Variants in CDKAL1 observed in about 807,000 individuals in gnomAD.
CDKAL1 encodes threonylcarbamoyladenosine tRNA methylthiotransferase.
In CDKAL1, 32 loss-of-function variants were observed where a neutral mutation model predicts 68.2. The ratio of observed to expected loss-of-function variants is 0.47; its 90% CI spans 0.35 to 0.63. The LOEUF (loss-of-function observed/expected upper bound fraction) is 0.63. Ranked by LOEUF, CDKAL1 falls within the 30% of genes least tolerant of loss-of-function variation. The pLI, the probability that CDKAL1 is intolerant of heterozygous loss-of-function variation, is 0.00. For synonymous variants in CDKAL1, 234 were observed against 244.3 expected (o/e 0.96, Z 0.39); for missense variants, 606 against 696.7 (o/e 0.87, Z 1.47).
chr6:20,613,567 G>T (rs1459465157), intron 4 of CDKAL1, among the ~76,000 whole-genome samples: 2 of 150,442 alleles, frequency 1.3e-5, no homozygotes, highest in Non-Finnish European at 3.0e-5. Context: ...GAGCCACCAT[G>T]CCTGGCTGCG....
chr6:20,867,372 G>A (rs1482899317), intron 9 of CDKAL1, among the ~76,000 whole-genome samples: 2 of 152,096 alleles, frequency 1.3e-5, no homozygotes, highest in African/African-American at 2.4e-5. Context: ...GTCAAATAAC[G>A]GTTATTTTGA....
At chr6:20,546,071 C>G (rs1763589721) in intron 2 of CDKAL1, among the ~76,000 whole-genome samples, 1 of 152,176 alleles carries the variant, frequency 6.6e-6, no homozygotes, top group South Asian at 2.1e-4. Context: ...CTTTTTCCTA[C>G]TTGACATTGA....
At chr6:20,810,180 C>A (rs1776734468) in intron 8 of CDKAL1, among the ~76,000 whole-genome samples, 1 of 152,104 alleles carries the variant, frequency 6.6e-6, no homozygotes, top group Non-Finnish European at 1.5e-5. Context: ...CAAGTACTTA[C>A]CTAGCTGCAG....
At chr6:20,604,859 A>G (rs1766266410) in intron 4 of CDKAL1, among the ~76,000 whole-genome samples, 1 of 152,200 alleles carries the variant, frequency 6.6e-6, no homozygotes, top group Non-Finnish European at 1.5e-5. Flanking sequence ...GCTCATTGTT[A>G]CACCTAGTAA....
intron 15 of CDKAL1, among the ~76,000 whole-genome samples, chr6:21,210,126 T>C (rs1202732948): frequency 1.3e-5 from 2 of 152,178 alleles, no homozygotes; most frequent in Non-Finnish European, 2.9e-5. Flanking sequence ...AATTATATGG[T>C]CATCCTATAA....
At position 20,994,984 on chromosome 6, in the gene CDKAL1, A is replaced by G. The variant is rs145209033; in HGVS notation, c.910-5243A>G. Among the ~76,000 whole-genome samples the G allele has an allele frequency of 3.2e-3, 488 of 152,312 alleles. 11 individuals are homozygous for G. The highest frequency in any genetic ancestry group is 2.8e-4 in the Non-Finnish European group (19 of 68,030). ...CAACTACATTTGTATATTATCATAA[A>G]TACTTTGTTGTCATTTCAACAGTCT... On this transcript the variant is annotated intron_variant, in intron 10 of 15. Transcript: ENST00000274695.
chr6:20,583,276 T>C (rs1432669188), intron 4 of CDKAL1, among the ~76,000 whole-genome samples: 1 of 152,222 alleles, frequency 6.6e-6, no homozygotes, highest in African/African-American at 2.4e-5. Flanking sequence ...AGTATCTTGT[T>C]AGACTTTTAC....
In CDKAL1 at chr6:20,892,237, A is replaced by C. The variant is rs1371400926; in HGVS notation, c.742+46059A>C. Among the ~76,000 whole-genome samples, 3 of 152,186 alleles carry C rather than the reference A, an allele frequency of 2.0e-5. No homozygotes were observed. In the East Asian group the frequency reaches 5.8e-4, roughly 29 times the overall value. Reference sequence around the variant, plus strand: ...AACTAAGAAAGAGGTGTGGAGCAGTAGGGAGGGAGAGGGAGAGAGACTGAA... The same window carrying C: ...AACTAAGAAAGAGGTGTGGAGCAGTCGGGAGGGAGAGGGAGAGAGACTGAA... On this transcript the variant is annotated intron_variant, in intron 9 of 15. Coordinates refer to ENST00000274695, the MANE Select transcript of CDKAL1 (RefSeq NM_017774.3).
At chr6:21,061,812 A>C (rs17237178) in intron 11 of CDKAL1, among the ~76,000 whole-genome samples, 8,615 of 152,264 alleles carry the variant, frequency 0.057, 343 homozygotes, top group African/African-American at 0.093. Flanking sequence ...TCTCACATTA[A>C]AGTGCAGTCT....
chr6:20,888,876 G>A (rs1451628019), intron 9 of CDKAL1, among the ~76,000 whole-genome samples: 1 of 152,112 alleles, frequency 6.6e-6, no homozygotes, highest in Non-Finnish European at 1.5e-5. Flanking sequence ...AGTCCTTTGG[G>A]TATATACCCA....
chr6:21,116,364 A>G (rs1582231001), intron 13 of CDKAL1, among the ~76,000 whole-genome samples: 1 of 152,226 alleles, frequency 6.6e-6, no homozygotes, highest in South Asian at 2.1e-4. Flanking sequence ...ATGATGATTA[A>G]TATTGTAATA....
Position 21,224,932 on chromosome 6 carries a change from G to A in CDKAL1, c.1549-5916G>A, listed in dbSNP as rs535584188. 2.0e-5 allele frequency among the ~76,000 whole-genome samples: 3 copies of A among 152,196 alleles called. No individual in the cohort carries two copies. In the South Asian group the frequency reaches 6.2e-4, roughly 32 times the overall value. On this transcript the variant is annotated intron_variant, in intron 15 of 15. Transcript: ENST00000274695. ...GAAATGTAAGAATAGGTAAATGGCA[G>A]TTCATATGGAAGGGATATTTGCTCC...
chr6:21,041,467 G>A lies in CDKAL1; in HGVS notation c.1056-23581G>A, dbSNP rs117835232. The stretch of plus-strand genomic sequence containing the variant: ...TTTGTAAAAAGTAATCGAAACAGAA[G>A]AAGGATTGAATAAAAAAACTCAGGC... On this transcript the variant is annotated intron_variant, in intron 11 of 15. Coordinates refer to ENST00000274695, the MANE Select transcript of CDKAL1 (RefSeq NM_017774.3). Among the ~76,000 whole-genome samples, 126 of 152,082 alleles carry A rather than the reference G, an allele frequency of 8.3e-4. 3 individuals carry two copies. The East Asian group carries it at 0.022, about 27-fold the overall frequency.
At chr6:20,968,437 G>A (rs937713467) in intron 10 of CDKAL1, among the ~76,000 whole-genome samples, 1 of 152,108 alleles carries the variant, frequency 6.6e-6, no homozygotes. Flanking sequence ...GGGATTACAG[G>A]TGTGAGCCAC....
At chr6:20,574,476 C>T (rs904921874) in intron 4 of CDKAL1, among the ~76,000 whole-genome samples, 1 of 152,106 alleles carries the variant, frequency 6.6e-6, no homozygotes, top group Non-Finnish European at 1.5e-5. Flanking sequence ...ACTGTGATAT[C>T]CACTCCTTGG....
At chr6:20,721,450 A>T (rs1007436512) in intron 5 of CDKAL1, among the ~76,000 whole-genome samples, 19 of 152,102 alleles carry the variant, frequency 1.2e-4, no homozygotes, top group Non-Finnish European at 2.4e-4. Flanking sequence ...TATATACCAC[A>T]TTTTCTTTAT....
chr6:21,176,159 T>C (rs1270511714), intron 13 of CDKAL1, among the ~76,000 whole-genome samples: 1 of 152,254 alleles, frequency 6.6e-6, no homozygotes, highest in Non-Finnish European at 1.5e-5. Context: ...GGAGATTTCT[T>C]TTCCTGTTGT....
intron 9 of CDKAL1, among the ~76,000 whole-genome samples, chr6:20,907,915 G>C (rs1382125741): frequency 6.6e-6 from 1 of 152,218 alleles, no homozygotes; most frequent in Admixed American, 6.5e-5. Flanking sequence ...GGGCAGAAGA[G>C]CTGGACACAG....
chr6:21,184,823 A>ATTTTTTTTTTTTTTTTTTTTT (rs34599800), intron 13 of CDKAL1, among the ~76,000 whole-genome samples: 2 of 101,648 alleles, frequency 2.0e-5, no homozygotes, highest in African/African-American at 4.1e-5. Flanking sequence ...CGTGCAGCTA[A>ATTTTTTTTTTTTTTTTTTTTT]TTTTTTTTTT....
Sources: allele counts gnomAD v4.1 joint callset (sites outside exome capture counted in the v4.1 genomes callset), GRCh38; gene constraint gnomAD v4.1.1; transcripts MANE v1.5; gene names NCBI Gene and HGNC (gene_info 2026-07-23, HGNC 2026-07-21).